RTEL1: variants seen among roughly 807,000 people sequenced by gnomAD.
RTEL1 encodes the protein regulator of telomere length.
Under a neutral mutation model 162.2 loss-of-function variants are expected in RTEL1, and 86 were observed. The ratio of observed to expected loss-of-function variants is 0.53; its 90% confidence interval spans 0.45 to 0.63. The LOEUF is 0.63. RTEL1 is among the 30% of genes least tolerant of loss of function. The pLI is 0.00. For missense variants in RTEL1, 1,941 were observed against 1,750.2 expected (o/e 1.11, Z -1.95); for synonymous variants, 958 against 717.9 (o/e 1.33, Z -5.35).
rs1346472274 is a variant in RTEL1, at chr20:63,695,318, C to T, written c.3500-10C>T. 1.9e-6 allele frequency: 3 copies of T among 1,572,014 alleles called. No homozygotes were observed. Among genetic ancestry groups the T allele is most frequent in the Admixed American group, 1.8e-5 (1 of 55,952 alleles). ...CCAGGCCCCCCTCAGACTCAAGTCT[C>T]TGTCTCCAGGCCCCTCACGGTCCGA... On this transcript the variant is annotated splice_polypyrimidine_tract_variant and intron_variant, in intron 33 of 34. Transcript: ENST00000360203.
chr20:63,693,112 C>G, intron 29 of RTEL1, 31 bp from the exon 30 acceptor site: 2 of 1,611,992 alleles, frequency 1.2e-6, no homozygotes, highest in East Asian at 4.5e-5. Flanking sequence ...GAAAAAGGGG[C>G]AGATGGGGAC....
At position 63,661,207 on chromosome 20, in the gene RTEL1, C is replaced by T; in HGVS notation, c.103-91C>T. On this transcript the variant is annotated intron_variant, in intron 2 of 34. Transcript: ENST00000360203. This position sits in a 1 kb window ranked among gnomAD's most constrained non-coding sequence, Gnocchi z 5.1. ...TGGCCTCTGCATCTGCAAAGAGCTGCCCGCTGGCTGCCGAAGCTTGTCTCA... is the reference window on the plus strand; with the variant it reads ...TGGCCTCTGCATCTGCAAAGAGCTGTCCGCTGGCTGCCGAAGCTTGTCTCA... 8.2e-7 allele frequency: 1 copy of T among 1,226,674 alleles called. No homozygotes were observed. The highest frequency in any genetic ancestry group is 1.3e-5 in the South Asian group (1 of 75,536). The allele number at this position is 1,226,674 out of a possible 1,614,324, so 76.0% of individuals were successfully genotyped here. A position where few individuals can be genotyped will look rare whatever the true frequency, so the allele number is the denominator to read the frequency against.
chr20:63,685,022 C>T (rs1478643399), intron 14 of RTEL1, among the ~76,000 whole-genome samples: 1 of 150,382 alleles, frequency 6.6e-6, no homozygotes, highest in East Asian at 2.0e-4. Context: ...GGACCACAGG[C>T]ACATGCCACC....
intron 30 of RTEL1, among the ~76,000 whole-genome samples, 195 bp downstream of exon 30, chr20:63,693,478 C>G (rs1340238611): frequency 1.3e-5 from 1 of 76,404 alleles, no homozygotes; most frequent in African/African-American, 4.6e-5. Context: ...TCCACCTCCA[C>G]CTCCACCACC....
intron 14 of RTEL1, among the ~76,000 whole-genome samples, chr20:63,684,304 TTTG>T (rs2090543586): frequency 6.6e-6 from 1 of 152,170 alleles, no homozygotes; most frequent in South Asian, 2.1e-4. Flanking sequence ...TCCTCATGTT[TTTG>T]TTCACTGTGG....
chr20:63,666,157 A>G (rs2090123183), intron 7 of RTEL1, 78 bp downstream of exon 7: 1 of 1,117,414 alleles, frequency 8.9e-7, no homozygotes, highest in Non-Finnish European at 1.3e-6. Flanking sequence ...GCCCGGATAT[A>G]TTTCTTCACT....
chr20:63,667,186 A>G (rs1481067304), intron 7 of RTEL1, among the ~76,000 whole-genome samples: 1 of 152,054 alleles, frequency 6.6e-6, no homozygotes, highest in African/African-American at 2.4e-5. Flanking sequence ...GTTTCTATCC[A>G]GGAATAGGGT....
chr20:63,666,745 A>G (rs1250806109), intron 7 of RTEL1, among the ~76,000 whole-genome samples: 4 of 151,646 alleles, frequency 2.6e-5, no homozygotes, highest in African/African-American at 9.7e-5. Context: ...TCTGTTGCTC[A>G]GGCCAGTCTC....
chr20:63,693,168 C>T lies in RTEL1; in HGVS notation c.2877C>T (p.His959=), dbSNP rs373996455. 1.9e-6 allele frequency: 3 copies of T among 1,612,204 alleles called. No individual in the cohort carries two copies. Among genetic ancestry groups the T allele is most frequent in the East Asian group, 2.2e-5 (1 of 44,890 alleles). The stretch of plus-strand genomic sequence containing the variant: ...GCTTCTACCAGTTTGTGCGGCCCCA[C>T]CATAAGCAGCAGTTTGAGGAGGTCT... ...LQGFYQFVRP[H]HKQQFEEVCI... is the part of the protein sequence containing the mutation. Residue 959 remains histidine (H), a synonymous_variant, in exon 30 of 35, where the codon CAC becomes CAT. Transcript: ENST00000360203.
In RTEL1 at chr20:63,678,202, G is replaced by T. The variant is rs763379741; in HGVS notation, c.958+19G>T. ...CTGAAGAGTAAGTGTTGCCCTCCCC[G>T]CCTCCTTGCAGCTGGGTGGGGCCTC... On this transcript the variant is annotated intron_variant, in intron 11 of 34. Coordinates refer to ENST00000360203, the MANE Select transcript of RTEL1 (RefSeq NM_001283009.2). 1 of 1,613,530 alleles carries T rather than the reference G, an allele frequency of 6.2e-7. No homozygotes were observed. The highest frequency in any genetic ancestry group is 1.3e-5 in the African/African-American group (1 of 75,002).
At chr20:63,675,519 T>C (rs879861714) in intron 10 of RTEL1, among the ~76,000 whole-genome samples, 36 of 138,306 alleles carry the variant, frequency 2.6e-4, no homozygotes, top group Admixed American at 9.7e-4. Flanking sequence ...TATATATATA[T>C]ACATATATTT....
At position 63,667,421 on chromosome 20, in the gene RTEL1, G is replaced by A. The variant is rs183934795; in HGVS notation, c.615-48G>A. ...GAAGACATGGCGGCCTCGGGGCACC[G>A]TCCCCTGCATGGGGTGCTCACAGGA... On this transcript the variant is annotated intron_variant, in intron 7 of 34. Transcript: ENST00000360203. The A allele has an allele frequency of 4.1e-3, 5,988 of 1,470,576 alleles. 235 individuals are homozygous for A. Among genetic ancestry groups the A allele is most frequent in the Non-Finnish European group, 4.8e-4 (503 of 1,050,000 alleles). The allele number at this position is 1,470,576 out of a possible 1,614,324, so 91.1% of individuals were successfully genotyped here. A position where few individuals can be genotyped will look rare whatever the true frequency, so the allele number is the denominator to read the frequency against.
chr20:63,689,020 G>C lies in RTEL1; in HGVS notation c.1801-35G>C, dbSNP rs138120257. 1.1e-3 allele frequency: 1,712 copies of C among 1,578,782 alleles called. 34 individuals carry two copies. The East Asian group carries it at 0.032, about 30-fold the overall frequency. On this transcript the variant is annotated intron_variant, in intron 21 of 34. Transcript: ENST00000360203. ...ATGGGGGAGGAAGGGGCTGGGGGGG[G>C]GCTCCAGGCTCAGCCTCACCAACTT...
intron 21 of RTEL1, 157 bp downstream of exon 21, chr20:63,688,762 GC>G (rs2090654595): frequency 1.5e-6 from 1 of 682,040 alleles, no homozygotes; most frequent in African/African-American, 1.8e-5. Flanking sequence ...CCTGAGTGTT[GC>G]CTCTTATCTT....
At chr20:63,688,848 C>T (rs748982873) in intron 21 of RTEL1, 12 of 650,298 alleles carry the variant, frequency 1.8e-5, no homozygotes, top group African/African-American at 1.8e-4. Context: ...GCCACCCTGG[C>T]CCTGGGGTTC....
intron 14 of RTEL1, chr20:63,682,125 C>T (rs1251184004): frequency 1.0e-6 from 1 of 985,366 alleles, no homozygotes; most frequent in Non-Finnish European, 1.2e-6. Context: ...TCCCAGGCTC[C>T]CACTTATGGA....
rs113414103 is a variant in RTEL1, at chr20:63,667,082, G to A, written c.615-387G>A. On this transcript the variant is annotated intron_variant, in intron 7 of 34. Coordinates refer to ENST00000360203, the MANE Select transcript of RTEL1 (RefSeq NM_001283009.2). ...TCTCGATCTTCTGACCTTGTGATCCGCCCACCTCGGCCTCCCAAAGTGCTG... is the reference window on the plus strand; with the variant it reads ...TCTCGATCTTCTGACCTTGTGATCCACCCACCTCGGCCTCCCAAAGTGCTG... 7.7e-3 allele frequency among the ~76,000 whole-genome samples: 1,143 copies of A among 148,644 alleles called. 5 individuals carry two copies. The highest frequency in any genetic ancestry group is 0.025 in the African/African-American group (998 of 40,232).
intron 13 of RTEL1, 63 bp from the exon 14 acceptor site, chr20:63,680,601 C>A: frequency 1.3e-6 from 2 of 1,566,770 alleles, no homozygotes; most frequent in Non-Finnish European, 1.8e-6. Flanking sequence ...CTGGAAGGGC[C>A]GGGGCTGGGG....
chr20:63,667,143 T>G (rs895113862), intron 7 of RTEL1, among the ~76,000 whole-genome samples: 12 of 152,162 alleles, frequency 7.9e-5, no homozygotes, highest in African/African-American at 2.9e-4. Flanking sequence ...CCGGCCCAGC[T>G]CTGCTTTTTC....
Sources: gnomAD v4.1 joint callset for allele counts (sites outside exome capture counted in the v4.1 genomes callset) on GRCh38, gnomAD v4.1.1 for gene constraint, Gnocchi (gnomAD v3.1) non-coding constraint, MANE v1.5 for transcripts, NCBI Gene and HGNC (gene_info 2026-07-23, HGNC 2026-07-21) for gene names.